The following PARD3B variants were observed in gnomAD, a reference collection of about 807,000 sequenced individuals.
PARD3B encodes the protein partitioning defective 3 homolog B.
A neutral mutation model predicts 130.2 loss-of-function variants in PARD3B; 103 were observed. The observed-to-expected ratio is 0.79, with a 90% confidence interval of 0.67 to 0.93. The LOEUF (loss-of-function observed/expected upper bound fraction) is 0.93, where lower values mean the gene tolerates loss of function less well. PARD3B is among the 40% of genes least tolerant of loss of function. The pLI is 0.00. For synonymous variants in PARD3B, 583 were observed against 553.2 expected (o/e 1.05, Z -0.76); for missense variants, 1,609 against 1,499.2 (o/e 1.07, Z -1.21).
intron 21 of PARD3B, among the ~76,000 whole-genome samples, chr2:205,538,626 G>A (rs1185521503): frequency 6.6e-6 from 1 of 152,034 alleles, no homozygotes. Flanking sequence ...CTGTCTATCT[G>A]TCTCTCCTTT....
chr2:205,277,156 C>T (rs1037464075), intron 16 of PARD3B, among the ~76,000 whole-genome samples: 16 of 152,188 alleles, frequency 1.1e-4, no homozygotes, highest in Admixed American at 9.8e-4. Context: ...ACTCTGCTGG[C>T]CGTTGATAGA....
rs572924119 is a variant in PARD3B at position 204,577,648 on chromosome 2, C to T, written c.120+31529C>T. 1.8e-4 allele frequency among the ~76,000 whole-genome samples: 27 copies of T among 152,240 alleles called. No individual in the cohort carries two copies. In the South Asian group the frequency reaches 3.3e-3, roughly 19 times the overall value. On this transcript the variant is annotated intron_variant, in intron 1 of 22. Coordinates refer to ENST00000406610, the MANE Select transcript of PARD3B (RefSeq NM_001302769.2). Reference sequence around the variant, plus strand: ...GTGCAATGGTGGGATCATAGCTCACCGTAACCTTGAACACCTGGGTTCAAA... The same window carrying T: ...GTGCAATGGTGGGATCATAGCTCACTGTAACCTTGAACACCTGGGTTCAAA...
At chr2:204,747,520 A>G (rs2040290980) in intron 2 of PARD3B, among the ~76,000 whole-genome samples, 1 of 152,216 alleles carries the variant, frequency 6.6e-6, no homozygotes, top group African/African-American at 2.4e-5. Context: ...GGTAATTTAT[A>G]GATTCAATGC....
At chr2:205,073,343 G>A (rs1371710147) in intron 4 of PARD3B, among the ~76,000 whole-genome samples, 1 of 152,074 alleles carries the variant, frequency 6.6e-6, no homozygotes, top group East Asian at 1.9e-4. Context: ...TGGTTCTGGT[G>A]GTGTCCTGCT....
intron 4 of PARD3B, among the ~76,000 whole-genome samples, chr2:205,067,746 A>G (rs552558608): frequency 1.4e-4 from 21 of 152,156 alleles, no homozygotes; most frequent in African/African-American, 5.1e-4. Flanking sequence ...ATGAAATGCT[A>G]TTTCTGTGTT....
chr2:205,148,387 T>C (rs1374458715), intron 10 of PARD3B, among the ~76,000 whole-genome samples: 1 of 152,122 alleles, frequency 6.6e-6, no homozygotes, highest in East Asian at 1.9e-4. Flanking sequence ...CAATTGAAAA[T>C]AAAATGCCTC....
intron 18 of PARD3B, among the ~76,000 whole-genome samples, chr2:205,377,763 A>ATTTTTT (rs3048124): frequency 9.4e-5 from 11 of 117,496 alleles, no homozygotes; most frequent in Non-Finnish European, 1.5e-4. Context: ...GTGTAATCCA[A>ATTTTTT]TTTTTTTTTT....
At chr2:205,615,356 C>T (rs571820668) in intron 22 of PARD3B, 100 bp from the exon 23 acceptor site, 48 of 928,762 alleles carry the variant, frequency 5.2e-5, no homozygotes, top group Middle Eastern at 3.4e-4. Context: ...CAGACCTATG[C>T]GGTGGCCACA....
At chr2:205,604,301 A>C (rs2105768466) in intron 22 of PARD3B, among the ~76,000 whole-genome samples, 1 of 152,310 alleles carries the variant, frequency 6.6e-6, no homozygotes, top group South Asian at 2.1e-4. Flanking sequence ...TGGCTAGGGA[A>C]GCCTCACAAT....
Position 205,021,541 on chromosome 2 carries a change from G to A in PARD3B, c.395-26040G>A, listed in dbSNP as rs776380878. Among the ~76,000 whole-genome samples, 1 of 151,586 alleles carries A rather than the reference G, an allele frequency of 6.6e-6. No homozygotes were observed. Among genetic ancestry groups the A allele is most frequent in the Non-Finnish European group, 1.5e-5 (1 of 67,946 alleles). ...AGAGTATATTGCAGTTTCACAAGCA[G>A]GAGGTAATAGCATTTATTGAGCAAC... On this transcript the variant is annotated intron_variant, in intron 3 of 22. Transcript: ENST00000406610. The surrounding 1 kb of genome is among the most constrained non-coding windows in gnomAD (Gnocchi z 4.5).
At chr2:204,941,144 A>G (rs1007621844) in intron 2 of PARD3B, among the ~76,000 whole-genome samples, 1 of 152,174 alleles carries the variant, frequency 6.6e-6, no homozygotes, top group Non-Finnish European at 1.5e-5. Context: ...CTTTGTTTCT[A>G]TTGCTAACCA....
chr2:205,166,030 A>G (rs1021964806), intron 11 of PARD3B, among the ~76,000 whole-genome samples: 1 of 152,120 alleles, frequency 6.6e-6, no homozygotes, highest in Non-Finnish European at 1.5e-5. Flanking sequence ...TACAATTTGT[A>G]GATGAAACTT....
intron 1 of PARD3B, among the ~76,000 whole-genome samples, chr2:204,546,755 G>A (rs921006532): frequency 2.6e-5 from 4 of 151,266 alleles, no homozygotes; most frequent in African/African-American, 9.7e-5. Flanking sequence ...TTTACTATGT[G>A]TGTGGGCTGT....
intron 4 of PARD3B, among the ~76,000 whole-genome samples, chr2:205,088,664 C>T (rs547438956): frequency 5.3e-5 from 8 of 152,328 alleles, no homozygotes; most frequent in Admixed American, 3.9e-4. Flanking sequence ...TACTGACTTA[C>T]ACTGTCCCCT....
Position 205,506,418 on chromosome 2 carries a change from A to C in PARD3B, c.3180+6387A>C, listed in dbSNP as rs550388668. On this transcript the variant is annotated intron_variant, in intron 21 of 22. Transcript: ENST00000406610. Reference sequence around the variant, plus strand: ...GGTAGATCATAGTTGGAACAATGAGATGGTTGGGTGAATAAATGTAAACAT... The same window carrying C: ...GGTAGATCATAGTTGGAACAATGAGCTGGTTGGGTGAATAAATGTAAACAT... 2.0e-5 allele frequency among the ~76,000 whole-genome samples: 3 copies of C among 152,260 alleles called. No individual in the cohort carries two copies. In the East Asian group the frequency reaches 5.8e-4, roughly 29 times the overall value.
chr2:205,315,622 A>C (rs1010952987), intron 18 of PARD3B, among the ~76,000 whole-genome samples: 1 of 152,124 alleles, frequency 6.6e-6, no homozygotes, highest in Admixed American at 6.5e-5. Flanking sequence ...TTGGCATTCA[A>C]TGCCCTCTAT....
At chr2:205,322,086 G>C (rs2042771507) in intron 18 of PARD3B, among the ~76,000 whole-genome samples, 1 of 152,164 alleles carries the variant, frequency 6.6e-6, no homozygotes, top group Non-Finnish European at 1.5e-5. Flanking sequence ...TTATTGATAA[G>C]ACTGGAGGGA....
chr2:204,720,041 A>G (rs1221151000), intron 2 of PARD3B, among the ~76,000 whole-genome samples: 4 of 147,940 alleles, frequency 2.7e-5, no homozygotes, highest in South Asian at 2.1e-4. Context: ...AAAGAGGCAC[A>G]TGACATTGCT....
intron 3 of PARD3B, among the ~76,000 whole-genome samples, chr2:205,031,445 T>C (rs1195223389): frequency 3.3e-5 from 5 of 152,186 alleles, no homozygotes; most frequent in African/African-American, 1.2e-4. Flanking sequence ...GATGAGATTA[T>C]GATCTTTCAT....
Sources: allele counts gnomAD v4.1 joint callset (sites outside exome capture counted in the v4.1 genomes callset), GRCh38; gene constraint gnomAD v4.1.1; non-coding constraint Gnocchi (gnomAD v3.1); transcripts MANE v1.5; gene names NCBI Gene and HGNC (gene_info 2026-07-23, HGNC 2026-07-21).